Variants in MBD5 observed in about 807,000 individuals in gnomAD.
The protein encoded by MBD5 is methyl-CpG binding domain protein 5.
Under a neutral mutation model 117.3 loss-of-function variants are expected in MBD5, and 13 were observed. The observed-to-expected ratio is 0.11, with a 90% CI of 0.07 to 0.18. MBD5 has a LOEUF of 0.18. Among genes scored for constraint, MBD5 ranks in the 10% least tolerant of loss-of-function variants. The pLI is 1.00. For missense variants in MBD5, 1,879 were observed against 2,093.8 expected, an observed-to-expected ratio of 0.90 and a Z score of 2.00; for synonymous variants, 727 against 766.4, an observed-to-expected ratio of 0.95 and a Z score of 0.85.
chr2:148,483,413 T>C lies in MBD5; in HGVS notation c.2822T>C (p.Ile941Thr), dbSNP rs1442517526. ...QHLLNQNLLN[I>T]LQPSAGEGKS... Reference sequence around the variant, plus strand: ...CTCCTAAACCAGAATCTATTAAATATCCTCCAGCCTTCAGCAGGAGAAGGC... The same window carrying C: ...CTCCTAAACCAGAATCTATTAAATACCCTCCAGCCTTCAGCAGGAGAAGGC... The change falls in exon 9 of 14, where the codon ATC becomes ACC. Residue 941 changes from isoleucine (I) to threonine (T), a missense_variant. By Grantham distance (89) the Ile-to-Thr change is moderately conservative (BLOSUM62 -1). Transcript: ENST00000642680. 1 of 1,613,892 alleles carries C rather than the reference T, an allele frequency of 6.2e-7. No individual in the cohort carries two copies. Among genetic ancestry groups the C allele is most frequent in the Non-Finnish European group, 8.5e-7 (1 of 1,179,914 alleles).
At chr2:148,386,239 A>C (rs540903239) in intron 4 of MBD5, among the ~76,000 whole-genome samples, 114 of 152,212 alleles carry the variant, frequency 7.5e-4, no homozygotes, top group Non-Finnish European at 1.5e-3. Flanking sequence ...AAATTAATGA[A>C]ATGAAAACAT....
chr2:148,468,950 C>T lies in MBD5; in HGVS notation c.1007C>T (p.Pro336Leu). ...AMFHHKPPQG[P>L]PPPPPPSCAL... is the part of the protein sequence containing the mutation. ...TTCCACCACAAACCACCCCAAGGCC[C>T]ACCTCCCCCTCCTCCACCTTCTTGT... The change falls in exon 8 of 14, where the codon CCA (proline) becomes CTA (leucine). Residue 336 changes from proline to leucine, a missense_variant. Pro to Leu is a moderately conservative substitution (Grantham distance 98). Transcript: ENST00000642680. The T allele has an allele frequency of 1.9e-6, 3 of 1,613,708 alleles. No individual in the cohort carries two copies. Among genetic ancestry groups the T allele is most frequent in the Non-Finnish European group, 2.5e-6 (3 of 1,179,900 alleles).
chr2:148,086,850 C>T lies in MBD5; in HGVS notation c.-925+65166C>T, dbSNP rs537898186. The stretch of plus-strand genomic sequence containing the variant: ...TAAATGGGACTAGACTTCCATCTGT[C>T]TTTACTACCTCGCCTTTATCTTTAA... On this transcript the variant is annotated intron_variant, in intron 1 of 13. Coordinates refer to ENST00000642680, the MANE Select transcript of MBD5 (RefSeq NM_001378120.1). Among the ~76,000 whole-genome samples the T allele has an allele frequency of 5.0e-4, 76 of 152,268 alleles. 1 individual carries two copies. In the South Asian group the frequency reaches 0.016, roughly 31 times the overall value.
At chr2:148,174,785 A>C (rs888886164) in intron 1 of MBD5, among the ~76,000 whole-genome samples, 4 of 150,140 alleles carry the variant, frequency 2.7e-5, no homozygotes, top group African/African-American at 9.8e-5. Context: ...CCATTACCAA[A>C]AAAAAAAAAT....
chr2:148,138,262 A>G, intron 1 of MBD5, among the ~76,000 whole-genome samples: 1 of 152,234 alleles, frequency 6.6e-6, no homozygotes, highest in East Asian at 1.9e-4. Flanking sequence ...TAAGATGATC[A>G]TATGAGATAT....
chr2:148,046,721 AAGTAATCTCC>A, intron 1 of MBD5, among the ~76,000 whole-genome samples: 1 of 152,196 alleles, frequency 6.6e-6, no homozygotes, highest in African/African-American at 2.4e-5. Flanking sequence ...GAATGGTAGT[AAGTAATCTCC>A]TTAGCTAATT....
intron 4 of MBD5, among the ~76,000 whole-genome samples, chr2:148,360,116 A>G (rs927013508): frequency 2.0e-5 from 3 of 152,144 alleles, no homozygotes; most frequent in African/African-American, 7.2e-5. Context: ...TGGCTGAAAG[A>G]AATTGCAAAT....
At chr2:148,253,811 T>C (rs1311011472) in intron 3 of MBD5, among the ~76,000 whole-genome samples, 3 of 152,176 alleles carry the variant, frequency 2.0e-5, no homozygotes, top group East Asian at 3.9e-4. Flanking sequence ...TTACAGACAA[T>C]AGTGGCTCCA....
intron 4 of MBD5, among the ~76,000 whole-genome samples, chr2:148,427,179 T>G (rs1705822148): frequency 6.6e-6 from 1 of 151,946 alleles, no homozygotes; most frequent in African/African-American, 2.4e-5. Flanking sequence ...TGTGGAGAAA[T>G]AGGAACACTT....
chr2:148,176,102 A>C (rs1194712163), intron 1 of MBD5, among the ~76,000 whole-genome samples: 1 of 152,154 alleles, frequency 6.6e-6, no homozygotes, highest in Non-Finnish European at 1.5e-5. Flanking sequence ...TAAACTGTGG[A>C]TTGATTTGAA....
At chr2:148,437,541 AT>A (rs886364472) in intron 4 of MBD5, among the ~76,000 whole-genome samples, 8 of 152,120 alleles carry the variant, frequency 5.3e-5, no homozygotes, top group Admixed American at 2.6e-4. Context: ...TCTGGAAAAA[AT>A]AATTTTAAAA....
At chr2:148,151,971 G>A (rs1697686414) in intron 1 of MBD5, among the ~76,000 whole-genome samples, 1 of 151,362 alleles carries the variant, frequency 6.6e-6, no homozygotes, top group Admixed American at 6.6e-5. Context: ...GTTATTTCTT[G>A]CCTTCTGCTA....
intron 3 of MBD5, among the ~76,000 whole-genome samples, chr2:148,334,114 A>T (rs1004291702): frequency 1.4e-4 from 21 of 152,084 alleles, no homozygotes; most frequent in African/African-American, 5.1e-4. Context: ...AAGTTTGTTC[A>T]TAGTCTCATC....
At chr2:148,111,054 G>A (rs1273998222) in intron 1 of MBD5, among the ~76,000 whole-genome samples, 2 of 151,948 alleles carry the variant, frequency 1.3e-5, no homozygotes, top group African/African-American at 4.8e-5. Context: ...TTTTCAATTA[G>A]TTCATTATTT....
chr2:148,441,308 A>G (rs563399333), intron 4 of MBD5, among the ~76,000 whole-genome samples: 2 of 151,916 alleles, frequency 1.3e-5, no homozygotes, highest in African/African-American at 2.4e-5. Context: ...TACTGTGTCC[A>G]TGCGTTCTCA....
intron 1 of MBD5, chr2:148,055,418 C>CTTTTTTTTTTTTTTTTT (rs56877252): frequency 7.1e-6 from 1 of 140,918 alleles, no homozygotes; most frequent in African/African-American, 2.6e-5. Context: ...ATAGGTTTTT[C>CTTTTTTTTTTTTTTTTT]TTTTTTTTTT....
chr2:148,212,499 T>C (rs1699448153), intron 2 of MBD5, among the ~76,000 whole-genome samples: 1 of 152,208 alleles, frequency 6.6e-6, no homozygotes, highest in African/African-American at 2.4e-5. Flanking sequence ...CCATTCTTTT[T>C]GAATCACTAT....
chr2:148,472,132 C>T (rs1680817206), intron 8 of MBD5: 1 of 151,968 alleles, frequency 6.6e-6, no homozygotes, highest in Non-Finnish European at 1.5e-5. Context: ...CCAACATTTA[C>T]TTATATTCTT....
chr2:148,022,968 G>A lies in MBD5; in HGVS notation c.-925+1284G>A, dbSNP rs186053016. ...TTTCTGATGTAGGCCTTTTACTAGG[G>A]CTTATATTGGAAAGTGTTATTTTGT... On this transcript the variant is annotated intron_variant, in intron 1 of 13. Coordinates refer to ENST00000642680, the MANE Select transcript of MBD5 (RefSeq NM_001378120.1). 2.5e-3 allele frequency among the ~76,000 whole-genome samples: 381 copies of A among 152,082 alleles called. 7 individuals carry two copies. Among genetic ancestry groups the A allele is most frequent in the Non-Finnish European group, 1.3e-3 (91 of 67,976 alleles).
Sources: allele counts gnomAD v4.1 joint callset (sites outside exome capture counted in the v4.1 genomes callset), GRCh38; gene constraint gnomAD v4.1.1; transcripts MANE v1.5; gene names NCBI Gene and HGNC (gene_info 2026-07-23, HGNC 2026-07-21).